The following SCUBE1 variants were observed in gnomAD, a reference collection of about 807,000 sequenced individuals.
SCUBE1 encodes signal peptide, CUB domain and EGF like domain containing 1, also known as signal peptide, CUB and EGF-like domain-containing protein 1.
A neutral mutation model predicts 124.4 loss-of-function variants in SCUBE1; 59 were observed. The ratio of observed to expected loss-of-function variants is 0.47; its 90% CI spans 0.38 to 0.59. SCUBE1 has a LOEUF of 0.59. SCUBE1 is among the 20% of genes least tolerant of loss of function. The pLI is 0.00. For missense variants in SCUBE1, 1,150 were observed against 1,371.2 expected, an observed-to-expected ratio of 0.84 and a Z score of 2.55; for synonymous variants, 545 against 550.9, an observed-to-expected ratio of 0.99 and a Z score of 0.15.
chr22:43,340,032 C>T (rs1243604920), intron 1 of SCUBE1, among the ~76,000 whole-genome samples: 3 of 144,582 alleles, frequency 2.1e-5, no homozygotes, highest in Non-Finnish European at 3.0e-5. Context: ...CCAGAAGGGT[C>T]CTTGGAGGAG....
In SCUBE1 at chr22:43,212,471, G is replaced by T; in HGVS notation, c.2175C>A (p.Leu725=). 1 of 1,553,850 alleles carries T rather than the reference G, an allele frequency of 6.4e-7. No individual in the cohort carries two copies. The highest frequency in any genetic ancestry group is 8.7e-7 in the Non-Finnish European group (1 of 1,148,620). Residue 725 remains leucine (L), a synonymous_variant, in exon 17 of 22, where the codon CTC becomes CTA. Transcript: ENST00000360835. ...AGGAGGTGGTGCCTTCGTGTTTGGT[G>T]AGCAAACCCCCTCCACAGGGGAAGC... The part of the protein sequence containing the change: ...TGCFPCGGGL[L]TKHEGTTSFQ...
chr22:43,225,558 C>G (rs963442122), intron 10 of SCUBE1, among the ~76,000 whole-genome samples: 1 of 151,032 alleles, frequency 6.6e-6, no homozygotes, highest in African/African-American at 2.4e-5. Flanking sequence ...GGGTGGATCA[C>G]AAGGTCAGGA....
chr22:43,198,986 G>GT lies in SCUBE1; in HGVS notation c.*5010dup, dbSNP rs899593481. On this transcript the variant is annotated 3_prime_UTR_variant, in exon 22 of 22. Transcript: ENST00000360835. Reference sequence around the variant, plus strand: ...TTTTCTGTCTGCTGTCCGGGGCAACGTGTCTGTCTGTCTGCTGTCCGGGGC... The same window carrying GT: ...TTTTCTGTCTGCTGTCCGGGGCAACGTTGTCTGTCTGTCTGCTGTCCGGGGC... 1 of 357,830 alleles carries GT rather than the reference G, an allele frequency of 2.8e-6. No individual in the cohort carries two copies. The highest frequency in any genetic ancestry group is 2.2e-5 in the African/African-American group (1 of 45,694). 22.2% of individuals were successfully genotyped at this position (357,830 alleles called of 1,614,324 possible).
At chr22:43,335,551 C>T (rs9608016) in intron 2 of SCUBE1, among the ~76,000 whole-genome samples, 20,772 of 152,166 alleles carry the variant, frequency 0.14, 1,726 homozygotes, top group East Asian at 0.19. Context: ...ACCCATGCTA[C>T]CCTAAGTCTG....
chr22:43,240,429 C>A (rs529215516), intron 6 of SCUBE1, among the ~76,000 whole-genome samples: 1 of 152,318 alleles, frequency 6.6e-6, no homozygotes, highest in African/African-American at 2.4e-5. Context: ...CCGCAAGGAG[C>A]CTCCCTGATA....
In SCUBE1 at chr22:43,204,158, T is replaced by C; in HGVS notation, c.2815-9A>G. ...TTGATCAGCTTCTTGTCCTGTAAGA[T>C]AGAGTGGGTGGGAGGCAGGGGAGGC... On this transcript the variant is annotated splice_polypyrimidine_tract_variant and intron_variant, in intron 21 of 21. Coordinates refer to ENST00000360835, the MANE Select transcript of SCUBE1 (RefSeq NM_173050.5). The C allele has an allele frequency of 6.2e-7, 1 of 1,613,412 alleles. No individual in the cohort carries two copies. Among genetic ancestry groups the C allele is most frequent in the Non-Finnish European group, 8.5e-7 (1 of 1,179,780 alleles).
intron 2 of SCUBE1, among the ~76,000 whole-genome samples, chr22:43,337,098 C>G (rs1927107743): frequency 6.6e-6 from 1 of 152,158 alleles, no homozygotes; most frequent in Admixed American, 6.5e-5. Flanking sequence ...AGCACATTCA[C>G]AAGCCTCCTC....
At position 43,231,746 on chromosome 22, in the gene SCUBE1, G is replaced by T. The variant is rs777672290; in HGVS notation, c.967+7C>A. 1.3e-6 allele frequency: 2 copies of T among 1,574,848 alleles called. No individual in the cohort carries two copies. Among genetic ancestry groups the T allele is most frequent in the African/African-American group, 2.7e-5 (2 of 73,966 alleles). ...CGAGAGCCACCCGGGGCATGGCAGG[G>T]GCTCACCCTGGCAGGTGCGCTCGTC... On this transcript the variant is annotated splice_region_variant and intron_variant, in intron 8 of 21. Transcript: ENST00000360835.
In SCUBE1 at chr22:43,199,027, C is replaced by T. The variant is rs1383767543; in HGVS notation, c.*4970G>A. The T allele has an allele frequency of 5.7e-6, 2 of 351,530 alleles. No homozygotes were observed. The highest frequency in any genetic ancestry group is 3.9e-5 in the Admixed American group (1 of 25,518). 21.8% of individuals were successfully genotyped at this position (351,530 alleles called of 1,614,324 possible). On this transcript the variant is annotated 3_prime_UTR_variant, in exon 22 of 22. Transcript: ENST00000360835. Reference sequence around the variant, plus strand: ...TGTCCGGGGCAGTGTGTCTGTTTGTCTCTCTGCTGTCCAGGGCAATGTGTC... The same window carrying T: ...TGTCCGGGGCAGTGTGTCTGTTTGTTTCTCTGCTGTCCAGGGCAATGTGTC...
At chr22:43,209,759 G>A (rs1921459584) in intron 19 of SCUBE1, among the ~76,000 whole-genome samples, 3 of 152,226 alleles carry the variant, frequency 2.0e-5, no homozygotes, top group African/African-American at 4.8e-5. Context: ...ATGAGGGCCC[G>A]GCTCGTGGCC....
chr22:43,219,652 TTA>T (rs1922002349), intron 14 of SCUBE1, among the ~76,000 whole-genome samples: 1 of 152,062 alleles, frequency 6.6e-6, no homozygotes. Flanking sequence ...TTTTGTATTT[TTA>T]GTAGAGACAG....
intron 4 of SCUBE1, among the ~76,000 whole-genome samples, chr22:43,286,024 C>T (rs1235532347): frequency 2.6e-5 from 4 of 152,210 alleles, no homozygotes; most frequent in Admixed American, 6.5e-5. Context: ...GCACCTGGCA[C>T]GTGTCAGCAG....
At chr22:43,212,937 C>T (rs1046655495) in intron 16 of SCUBE1, among the ~76,000 whole-genome samples, 24 of 152,152 alleles carry the variant, frequency 1.6e-4, no homozygotes, top group Non-Finnish European at 3.2e-4. Context: ...GAGGGGCTGT[C>T]CCCGGGGGGT....
intron 3 of SCUBE1, among the ~76,000 whole-genome samples, chr22:43,298,538 G>A (rs929113241): frequency 1.3e-5 from 2 of 152,200 alleles, no homozygotes; most frequent in South Asian, 2.1e-4. Flanking sequence ...CCTGCTGGCC[G>A]CTGGGGTCTG....
intron 3 of SCUBE1, among the ~76,000 whole-genome samples, chr22:43,314,587 A>G (rs1469257229): frequency 6.6e-6 from 1 of 152,172 alleles, no homozygotes; most frequent in Non-Finnish European, 1.5e-5. Context: ...TTAGGACCCT[A>G]AAACTCCCCC....
At position 43,199,797 on chromosome 22, in the gene SCUBE1, C is replaced by T. The variant is rs756695794; in HGVS notation, c.*4200G>A. On this transcript the variant is annotated 3_prime_UTR_variant, in exon 22 of 22. Coordinates refer to ENST00000360835, the MANE Select transcript of SCUBE1 (RefSeq NM_173050.5). ...TGTGGCTGTGGCTGTGAGGCTCTGG[C>T]GCGGGGAAAGATGGGGAGAGGCTCT... The T allele has an allele frequency of 6.9e-4, 108 of 155,410 alleles. No individual in the cohort carries two copies. The highest frequency in any genetic ancestry group is 1.2e-3 in the Non-Finnish European group (87 of 70,004). 9.6% of individuals were successfully genotyped at this position (155,410 alleles called of 1,614,324 possible).
Position 43,197,495 on chromosome 22 carries a change from G to T in SCUBE1, c.*6502C>A, listed in dbSNP as rs78456740. The T allele has an allele frequency of 0.04, 6,111 of 152,352 alleles. 164 individuals are homozygous for T. The highest frequency in any genetic ancestry group is 0.089 in the South Asian group (432 of 4,828). 9.4% of individuals were successfully genotyped at this position (152,352 alleles called of 1,614,324 possible). A position where few individuals can be genotyped will look rare whatever the true frequency, so the allele number is the denominator to read the frequency against. ...GAGCCAGAAGTGAAGTCTGCGGGCC[G>T]CTAGCACAGCGCCCTGGTGTCCTGT... On this transcript the variant is annotated 3_prime_UTR_variant, in exon 22 of 22. Transcript: ENST00000360835.
intron 6 of SCUBE1, among the ~76,000 whole-genome samples, chr22:43,243,497 G>C (rs1306445502): frequency 6.6e-6 from 1 of 152,264 alleles, no homozygotes; most frequent in East Asian, 1.9e-4. Context: ...CAGCCTGCCA[G>C]CGCTCTGACA....
At position 43,337,639 on chromosome 22, in the gene SCUBE1, G is replaced by A. The variant is rs144056283; in HGVS notation, c.220+1465C>T. ...CCACTTTGGGTTCTGGGCCCTGAGCGTGCCAGGAATATTACCCAACCAGGC... is the reference window on the plus strand; with the variant it reads ...CCACTTTGGGTTCTGGGCCCTGAGCATGCCAGGAATATTACCCAACCAGGC... On this transcript the variant is annotated intron_variant, in intron 2 of 21. Transcript: ENST00000360835. Among the ~76,000 whole-genome samples the A allele has an allele frequency of 2.3e-3, 355 of 152,332 alleles. 2 individuals carry two copies. Among genetic ancestry groups the A allele is most frequent in the African/African-American group, 8.0e-3 (334 of 41,576 alleles).
Sources: allele counts gnomAD v4.1 joint callset (sites outside exome capture counted in the v4.1 genomes callset), GRCh38; gene constraint gnomAD v4.1.1; transcripts MANE v1.5; gene names NCBI Gene and HGNC (gene_info 2026-07-23, HGNC 2026-07-21).